Variants in ST6GALNAC3 observed in about 807,000 individuals in gnomAD.
The protein encoded by ST6GALNAC3 is alpha-N-acetylgalactosaminide alpha-2,6-sialyltransferase 3.
Under a neutral mutation model 32.7 loss-of-function variants are expected in ST6GALNAC3, and 25 were observed. The ratio of observed to expected loss-of-function variants is 0.76; its 90% CI spans 0.56 to 1.07. ST6GALNAC3 has a LOEUF of 1.07. ST6GALNAC3 is among the 50% of genes least tolerant of loss of function. ST6GALNAC3 has a pLI of 0.00. For synonymous variants in ST6GALNAC3, 129 were observed against 133.1 expected, an observed-to-expected ratio of 0.97 and a Z score of 0.21; for missense variants, 355 against 382.4, an observed-to-expected ratio of 0.93 and a Z score of 0.60.
At chr1:76,244,625 C>A (rs1177992264) in intron 1 of ST6GALNAC3, among the ~76,000 whole-genome samples, 1 of 152,082 alleles carries the variant, frequency 6.6e-6, no homozygotes, top group East Asian at 1.9e-4. Context: ...CCGTCAATAC[C>A]TAGTTTATTG....
At chr1:76,492,441 T>G (rs955353438) in intron 3 of ST6GALNAC3, among the ~76,000 whole-genome samples, 2 of 152,094 alleles carry the variant, frequency 1.3e-5, no homozygotes, top group African/African-American at 4.8e-5. Flanking sequence ...ACATTATCTA[T>G]TATTGAAAAT....
At chr1:76,474,032 T>C (rs1272962834) in intron 3 of ST6GALNAC3, among the ~76,000 whole-genome samples, 1 of 151,680 alleles carries the variant, frequency 6.6e-6, no homozygotes, top group African/African-American at 2.4e-5. Flanking sequence ...TAGAAAGAGA[T>C]AGGGTGAGAC....
At chr1:76,370,390 C>CTTCCTTTTCCTCCCATCTTT (rs942330756) in intron 2 of ST6GALNAC3, among the ~76,000 whole-genome samples, 3 of 152,068 alleles carry the variant, frequency 2.0e-5, no homozygotes, top group Non-Finnish European at 2.9e-5. Context: ...ATTTAAAGAC[C>CTTCCTTTTCCTCCCATCTTT]TTCCTTTTCC....
chr1:76,590,058 G>T (rs952751859), intron 3 of ST6GALNAC3, among the ~76,000 whole-genome samples: 38 of 152,252 alleles, frequency 2.5e-4, no homozygotes, highest in African/African-American at 8.2e-4. Context: ...TTAAGAGCAG[G>T]ATTGGCAAGT....
intron 1 of ST6GALNAC3, among the ~76,000 whole-genome samples, chr1:76,154,351 A>G (rs1306162251): frequency 2.0e-5 from 3 of 152,114 alleles, no homozygotes; most frequent in Non-Finnish European, 4.4e-5. Context: ...GGGAACACTC[A>G]GGTTGTTTCT....
chr1:76,357,135 T>TTTTTTC (rs1553184111), intron 2 of ST6GALNAC3, among the ~76,000 whole-genome samples: 1 of 140,570 alleles, frequency 7.1e-6, no homozygotes, highest in Non-Finnish European at 1.5e-5. Flanking sequence ...TTTTTCTTTT[T>TTTTTTC]TTTTTTTTTT....
chr1:76,619,389 T>C (rs1429585908), intron 3 of ST6GALNAC3, among the ~76,000 whole-genome samples: 1 of 152,152 alleles, frequency 6.6e-6, no homozygotes, highest in East Asian at 1.9e-4. Context: ...TAAGTGGAGA[T>C]TAGATGACTT....
chr1:76,523,505 A>G (rs917333252), intron 3 of ST6GALNAC3, among the ~76,000 whole-genome samples: 1 of 152,198 alleles, frequency 6.6e-6, no homozygotes, highest in Non-Finnish European at 1.5e-5. Flanking sequence ...CCAGGCAGAT[A>G]GAGAGGCTAT....
chr1:76,277,101 A>G (rs1387933454), intron 1 of ST6GALNAC3, among the ~76,000 whole-genome samples: 1 of 152,186 alleles, frequency 6.6e-6, no homozygotes, highest in Non-Finnish European at 1.5e-5. Context: ...CCAATTTGCA[A>G]TGTACATTTT....
At chr1:76,430,438 C>A (rs549405819) in intron 3 of ST6GALNAC3, among the ~76,000 whole-genome samples, 1 of 152,316 alleles carries the variant, frequency 6.6e-6, no homozygotes, top group South Asian at 2.1e-4. Flanking sequence ...TCTGGCCCAA[C>A]CACATGGGTC....
intron 1 of ST6GALNAC3, among the ~76,000 whole-genome samples, chr1:76,137,903 C>T (rs1391959084): frequency 2.0e-5 from 3 of 152,216 alleles, no homozygotes; most frequent in East Asian, 3.9e-4. Context: ...CCCAAACACT[C>T]CTTGTTAAAC....
chr1:76,396,227 G>A (rs1652944925), intron 2 of ST6GALNAC3, among the ~76,000 whole-genome samples: 3 of 152,202 alleles, frequency 2.0e-5, no homozygotes, highest in Admixed American at 2.0e-4. Flanking sequence ...CATTTTGGAA[G>A]ACCAAGGTGG....
At chr1:76,378,588 G>A (rs1651430975) in intron 2 of ST6GALNAC3, among the ~76,000 whole-genome samples, 2 of 151,900 alleles carry the variant, frequency 1.3e-5, no homozygotes, top group African/African-American at 4.8e-5. Context: ...CTTGAACCCA[G>A]GAGGCAGAGG....
At chr1:76,496,759 T>C (rs1040616086) in intron 3 of ST6GALNAC3, among the ~76,000 whole-genome samples, 1 of 152,180 alleles carries the variant, frequency 6.6e-6, no homozygotes, top group Admixed American at 6.5e-5. Flanking sequence ...ACTAATTGTA[T>C]TGATTTGTTT....
intron 1 of ST6GALNAC3, among the ~76,000 whole-genome samples, chr1:76,213,193 T>A (rs1655264313): frequency 6.6e-6 from 1 of 152,170 alleles, no homozygotes; most frequent in Non-Finnish European, 1.5e-5. Context: ...TTCTGGCCAA[T>A]GGGATCTGTT....
At chr1:76,084,520 G>C (rs1341236661) in intron 1 of ST6GALNAC3, among the ~76,000 whole-genome samples, 1 of 152,146 alleles carries the variant, frequency 6.6e-6, no homozygotes, top group African/African-American at 2.4e-5. Context: ...CATTGCTCCA[G>C]GAGGGTATTA....
Position 76,629,571 on chromosome 1 carries a change from G to C in ST6GALNAC3, c.*765G>C, listed in dbSNP as rs1649186067. ...TCTATATTAATGTTTAGTTATTTTTGGTTGAGTGCTAAATATTTCAGAAGG... is the reference window on the plus strand; with the variant it reads ...TCTATATTAATGTTTAGTTATTTTTCGTTGAGTGCTAAATATTTCAGAAGG... On this transcript the variant is annotated 3_prime_UTR_variant, in exon 5 of 5. Transcript: ENST00000328299. 5.1e-6 allele frequency: 5 copies of C among 984,466 alleles called. No individual in the cohort carries two copies. The highest frequency in any genetic ancestry group is 5.2e-4 in the Middle Eastern group (1 of 1,912). 61.0% of individuals were successfully genotyped at this position (984,466 alleles called of 1,614,324 possible).
chr1:76,460,602 C>A (rs1222384775), intron 3 of ST6GALNAC3, among the ~76,000 whole-genome samples: 2 of 152,160 alleles, frequency 1.3e-5, no homozygotes, highest in African/African-American at 4.8e-5. Flanking sequence ...AAAGTTTCAT[C>A]ACTGTGTGTT....
intron 1 of ST6GALNAC3, among the ~76,000 whole-genome samples, chr1:76,175,565 G>C (rs1194840666): frequency 6.7e-6 from 1 of 149,988 alleles, no homozygotes; most frequent in Non-Finnish European, 1.5e-5. Flanking sequence ...TGGGGAACTT[G>C]GTTGAAAGAT....
Sources: allele counts gnomAD v4.1 joint callset (sites outside exome capture counted in the v4.1 genomes callset), GRCh38; gene constraint gnomAD v4.1.1; transcripts MANE v1.5; gene names NCBI Gene and HGNC (gene_info 2026-07-23, HGNC 2026-07-21).